The following ZMIZ1 variants were observed in gnomAD, a reference collection of about 807,000 sequenced individuals.
ZMIZ1 encodes zinc finger MIZ-type containing 1, also known as zinc finger MIZ domain-containing protein 1.
A neutral mutation model predicts 113.9 loss-of-function variants in ZMIZ1; 17 were observed. The observed-to-expected ratio is 0.15, with a 90% CI of 0.10 to 0.22. ZMIZ1 has a LOEUF of 0.22. Ranked by LOEUF, ZMIZ1 falls within the 10% of genes least tolerant of loss-of-function variation. ZMIZ1 has a pLI of 1.00. For synonymous variants in ZMIZ1, 607 were observed against 603.1 expected (o/e 1.01, Z -0.09); for missense variants, 1,059 against 1,477.8 (o/e 0.72, Z 4.65).
At chr10:79,291,601 T>A (rs1853499772) in intron 10 of ZMIZ1, among the ~76,000 whole-genome samples, 1 of 152,348 alleles carries the variant, frequency 6.6e-6, no homozygotes, top group Admixed American at 6.5e-5. Context: ...AAAGCAGAAC[T>A]ATGCAGAGAC....
intron 1 of ZMIZ1, among the ~76,000 whole-genome samples, chr10:79,116,835 C>A (rs113632063): frequency 0.015 from 2,334 of 152,326 alleles, 56 homozygotes; most frequent in African/African-American, 0.053. Context: ...CTCACTGCCC[C>A]CTCAAGGATA....
intron 1 of ZMIZ1, among the ~76,000 whole-genome samples, chr10:79,087,932 T>G (rs1842865577): frequency 6.6e-6 from 1 of 152,158 alleles, no homozygotes; most frequent in Non-Finnish European, 1.5e-5. Context: ...GCAGCTACCT[T>G]TAGAATACCA....
intron 7 of ZMIZ1, among the ~76,000 whole-genome samples, chr10:79,219,986 C>T (rs1421494267): frequency 6.6e-6 from 1 of 152,140 alleles, no homozygotes; most frequent in African/African-American, 2.4e-5. Context: ...AAGCCTCTAC[C>T]TGGCGGTTTT....
intron 6 of ZMIZ1, among the ~76,000 whole-genome samples, chr10:79,214,793 CA>C (rs1323502524): frequency 2.0e-5 from 3 of 152,184 alleles, no homozygotes; most frequent in African/African-American, 7.2e-5. Context: ...TAAATGACTC[CA>C]TTTTCCAAGG....
At chr10:79,154,378 G>A (rs776781623) in intron 3 of ZMIZ1, among the ~76,000 whole-genome samples, 1 of 152,134 alleles carries the variant, frequency 6.6e-6, no homozygotes, top group Non-Finnish European at 1.5e-5. Flanking sequence ...AGGTGGGATG[G>A]GGTGCCCTCT....
chr10:79,177,201 T>TGGCCTCGCTCTCAGGAAGCC (rs1220110507), intron 4 of ZMIZ1, among the ~76,000 whole-genome samples: 7 of 152,218 alleles, frequency 4.6e-5, no homozygotes, highest in African/African-American at 1.7e-4. Flanking sequence ...CTTGGAAAGC[T>TGGCCTCGCTCTCAGGAAGCC]GGCCTCGCTC....
At chr10:79,114,811 A>T (rs1318734028) in intron 1 of ZMIZ1, among the ~76,000 whole-genome samples, 1 of 151,452 alleles carries the variant, frequency 6.6e-6, no homozygotes, top group Non-Finnish European at 1.5e-5. Flanking sequence ...AATCACTTTT[A>T]TTTTAACGAC....
At chr10:79,198,080 A>G (rs1002398703) in intron 4 of ZMIZ1, among the ~76,000 whole-genome samples, 3 of 152,120 alleles carry the variant, frequency 2.0e-5, no homozygotes, top group African/African-American at 7.2e-5. Flanking sequence ...TAACATGGTG[A>G]AACCCCATCT....
At chr10:79,260,567 C>A (rs1161845093) in intron 7 of ZMIZ1, among the ~76,000 whole-genome samples, 3 of 152,186 alleles carry the variant, frequency 2.0e-5, no homozygotes, top group African/African-American at 7.2e-5. Flanking sequence ...CAGTGGTTCC[C>A]CTTTGGAAGG....
At chr10:79,254,811 G>C (rs1039817814) in intron 7 of ZMIZ1, among the ~76,000 whole-genome samples, 1 of 152,172 alleles carries the variant, frequency 6.6e-6, no homozygotes, top group Non-Finnish European at 1.5e-5. Flanking sequence ...GAGGGACCTC[G>C]GCCTTGTTGG....
intron 3 of ZMIZ1, among the ~76,000 whole-genome samples, chr10:79,146,642 G>A (rs1454989890): frequency 6.6e-6 from 1 of 152,222 alleles, no homozygotes; most frequent in Non-Finnish European, 1.5e-5. Context: ...CGGCTGGGTG[G>A]CCACAGTTTC....
rs938654159 is a variant in ZMIZ1, at chr10:79,298,928, C to G, written c.1667-122C>G. ...CCCTTGGACTGGCTATGTCTCTGGCCCTGTTTACACACCCCTGCCTTCCTC... is the reference window on the plus strand; with the variant it reads ...CCCTTGGACTGGCTATGTCTCTGGCGCTGTTTACACACCCCTGCCTTCCTC... On this transcript the variant is annotated intron_variant, in intron 15 of 24. Coordinates refer to ENST00000334512, the MANE Select transcript of ZMIZ1 (RefSeq NM_020338.4). 5.3e-6 allele frequency: 7 copies of G among 1,317,270 alleles called. No individual in the cohort carries two copies. In the African/African-American group the frequency reaches 8.9e-5, roughly 17 times the overall value. 81.6% of individuals were successfully genotyped at this position (1,317,270 alleles called of 1,614,324 possible).
rs182790219 is a variant in ZMIZ1, at chr10:79,273,504, C to T, written c.281-3677C>T. ...TCCCGAGTAGCTGAGATTAGAGGCGCTGGCTACCACACCTGGCTAATTTTT... is the reference window on the plus strand; with the variant it reads ...TCCCGAGTAGCTGAGATTAGAGGCGTTGGCTACCACACCTGGCTAATTTTT... On this transcript the variant is annotated intron_variant, in intron 7 of 24. Transcript: ENST00000334512. Among the ~76,000 whole-genome samples the T allele has an allele frequency of 1.9e-3, 286 of 152,308 alleles. 1 individual carries two copies. The highest frequency in any genetic ancestry group is 6.7e-3 in the African/African-American group (277 of 41,550).
intron 7 of ZMIZ1, among the ~76,000 whole-genome samples, chr10:79,217,961 C>T (rs536164174): frequency 2.0e-4 from 31 of 152,364 alleles, no homozygotes; most frequent in Admixed American, 9.8e-4. Flanking sequence ...AAGACACATA[C>T]CTCTTAAGTG....
At chr10:79,079,563 C>G (rs1842590286) in intron 1 of ZMIZ1, among the ~76,000 whole-genome samples, 1 of 152,226 alleles carries the variant, frequency 6.6e-6, no homozygotes, top group Non-Finnish European at 1.5e-5. Context: ...TCCAGCTTGA[C>G]ATGTTCCTGG....
chr10:79,264,628 C>T (rs768124311), intron 7 of ZMIZ1, among the ~76,000 whole-genome samples: 3 of 152,186 alleles, frequency 2.0e-5, no homozygotes, highest in Non-Finnish European at 2.9e-5. Context: ...TGCACTGAGG[C>T]ACAGTATCTA....
Position 79,314,689 on chromosome 10 carries a change from TAAACAA to T in ZMIZ1, c.*1950_*1955del, listed in dbSNP as rs1476942167. On this transcript the variant is annotated 3_prime_UTR_variant, in exon 25 of 25. Coordinates refer to ENST00000334512, the MANE Select transcript of ZMIZ1 (RefSeq NM_020338.4). Reference sequence around the variant, plus strand: ...ACAAAGACCGAGTCTTCTTTTTTTTTAAACAAAAACAAAAAAAGCAACCAGGGCTAT... The same window carrying T: ...ACAAAGACCGAGTCTTCTTTTTTTTTAAACAAAAAAAGCAACCAGGGCTAT... 5.9e-6 allele frequency: 1 copy of T among 168,814 alleles called. No homozygotes were observed. The highest frequency in any genetic ancestry group is 1.3e-5 in the Non-Finnish European group (1 of 78,884). 10.5% of individuals were successfully genotyped at this position (168,814 alleles called of 1,614,324 possible).
chr10:79,307,295 T>A, intron 22 of ZMIZ1, 110 bp from the exon 23 acceptor site: 4 of 1,147,202 alleles, frequency 3.5e-6, no homozygotes, highest in Non-Finnish European at 5.0e-6. Flanking sequence ...TACTACAGCC[T>A]CGCAAGAGGA....
chr10:79,211,442 A>G (rs1848524927), intron 6 of ZMIZ1, among the ~76,000 whole-genome samples: 1 of 152,040 alleles, frequency 6.6e-6, no homozygotes, highest in Non-Finnish European at 1.5e-5. Context: ...ACACAAACGC[A>G]CACACACCCT....
Sources: allele counts gnomAD v4.1 joint callset (sites outside exome capture counted in the v4.1 genomes callset), GRCh38; gene constraint gnomAD v4.1.1; transcripts MANE v1.5; gene names NCBI Gene and HGNC (gene_info 2026-07-23, HGNC 2026-07-21).